Variants in SLC30A7 observed in about 807,000 individuals in gnomAD.
The protein encoded by SLC30A7 is solute carrier family 30 member 7, also known as zinc transporter 7.
Under a neutral mutation model 46.0 loss-of-function variants are expected in SLC30A7, and 35 were observed. The ratio of observed to expected loss-of-function variants is 0.76; its 90% CI spans 0.58 to 1.01. The LOEUF (loss-of-function observed/expected upper bound fraction) is 1.01. Among genes scored for constraint, SLC30A7 ranks in the 50% least tolerant of loss-of-function variants. The pLI is 0.00. For synonymous variants in SLC30A7, 147 were observed against 157.8 expected, an observed-to-expected ratio of 0.93 and a Z score of 0.51; for missense variants, 464 against 451.1, an observed-to-expected ratio of 1.03 and a Z score of -0.26.
At chr1:100,934,190 T>C (rs1368578066) in intron 8 of SLC30A7, among the ~76,000 whole-genome samples, 1 of 152,202 alleles carries the variant, frequency 6.6e-6, no homozygotes, top group Non-Finnish European at 1.5e-5. Flanking sequence ...CAAGTGTGGA[T>C]TTTTGACTTT....
At chr1:100,925,122 A>G (rs1197172854) in intron 8 of SLC30A7, among the ~76,000 whole-genome samples, 2 of 152,258 alleles carry the variant, frequency 1.3e-5, no homozygotes, top group African/African-American at 2.4e-5. Flanking sequence ...CTTCTGAAGA[A>G]GAGGCCTTTA....
the SLC30A7 span, among the ~76,000 whole-genome samples, chr1:100,989,124 T>C: frequency 6.6e-6 from 1 of 152,236 alleles, no homozygotes; most frequent in Non-Finnish European, 1.5e-5. Context: ...CTCTTTGAAA[T>C]GAAATATAAT....
In SLC30A7 at chr1:100,918,112, A is replaced by C. The variant is rs769521587; in HGVS notation, c.691A>C (p.Arg231=). ...CTTAAAAGAAACAACAGGACCCAGC[A>C]GACAGATTTTACAAGGTATGACAAG... The part of the protein sequence containing the change: ...PSLKETTGPS[R]QILQGVFLHI... The change falls in exon 7 of 11, where the codon AGA becomes CGA. Residue 231 remains arginine, a synonymous_variant. Transcript: ENST00000357650. The C allele has an allele frequency of 2.5e-6, 4 of 1,612,842 alleles. No homozygotes were observed. Among genetic ancestry groups the C allele is most frequent in the Non-Finnish European group, 3.4e-6 (4 of 1,179,156 alleles).
intron 9 of SLC30A7, 89 bp from the exon 10 acceptor site, chr1:100,965,680 C>A (rs1214701742): frequency 9.7e-7 from 1 of 1,034,362 alleles, no homozygotes; most frequent in African/African-American, 1.6e-5. Context: ...ACGATAGAAT[C>A]CATGTTTACT....
chr1:100,948,068 T>TTGTTAG (rs1401619400), intron 8 of SLC30A7, among the ~76,000 whole-genome samples: 2 of 152,198 alleles, frequency 1.3e-5, no homozygotes, highest in Non-Finnish European at 2.9e-5. Flanking sequence ...AATATTGTTA[T>TTGTTAG]GTGTGAATTT....
chr1:100,974,894 A>C lies in SLC30A7; in HGVS notation c.*37A>C. ...AAATTATGCACCTTTTATGGACCAA[A>C]TTTTTCTGGTACTGTACGATCCAAA... On this transcript the variant is annotated 3_prime_UTR_variant, in exon 11 of 11. Coordinates refer to ENST00000357650, the MANE Select transcript of SLC30A7 (RefSeq NM_133496.5). 6.4e-7 allele frequency: 1 copy of C among 1,570,412 alleles called. No individual in the cohort carries two copies. The highest frequency in any genetic ancestry group is 8.7e-7 in the Non-Finnish European group (1 of 1,147,072).
chr1:100,933,367 T>C (rs556068922), intron 8 of SLC30A7, among the ~76,000 whole-genome samples: 3 of 152,276 alleles, frequency 2.0e-5, no homozygotes, highest in Non-Finnish European at 2.9e-5. Context: ...TATTCTTATC[T>C]TGATGCCTTT....
rs970852854 is a variant in SLC30A7, at chr1:100,978,768, GTATA to G, written c.*3914_*3917del. 70 of 151,988 alleles carry G rather than the reference GTATA, an allele frequency of 4.6e-4. No individual in the cohort carries two copies. Among genetic ancestry groups the G allele is most frequent in the Admixed American group, 8.5e-4 (13 of 15,272 alleles). 9.4% of individuals were successfully genotyped at this position (151,988 alleles called of 1,614,324 possible). ...ATGGACTTTTATTGTCTCATTTTTC[GTATA>G]TAATTATTTCCATCATATTCTTTAT... On this transcript the variant is annotated 3_prime_UTR_variant, in exon 11 of 11. Coordinates refer to ENST00000357650, the MANE Select transcript of SLC30A7 (RefSeq NM_133496.5).
At chr1:100,926,264 T>C (rs995470974) in intron 8 of SLC30A7, among the ~76,000 whole-genome samples, 3 of 152,184 alleles carry the variant, frequency 2.0e-5, no homozygotes, top group Non-Finnish European at 4.4e-5. Context: ...TGCATTGCTA[T>C]AAAGATATAC....
At chr1:100,961,100 G>A (rs1166686479) in intron 8 of SLC30A7, among the ~76,000 whole-genome samples, 3 of 150,922 alleles carry the variant, frequency 2.0e-5, no homozygotes, top group African/African-American at 7.3e-5. Context: ...GACTACAGGC[G>A]CCCGCCACCA....
At chr1:100,985,935 T>C (rs904196367), downstream of SLC30A7, among the ~76,000 whole-genome samples, 2 of 152,094 alleles carry the variant, frequency 1.3e-5, no homozygotes, top group African/African-American at 2.4e-5. Flanking sequence ...TTACAAAAGG[T>C]TTTATCCAGA....
At position 100,936,082 on chromosome 1, in the gene SLC30A7, CT is replaced by C. The variant is rs796365691; in HGVS notation, c.842+14253del. Among the ~76,000 whole-genome samples the C allele has an allele frequency of 7.3e-3, 1,062 of 145,550 alleles. 16 individuals are homozygous for C. The highest frequency in any genetic ancestry group is 0.02 in the African/African-American group (808 of 40,012). ...TTTAAATTGTCTTCTTTTCATTTTT[CT>C]TTTTTTTTTTTCTACTCCAGTGATT... On this transcript the variant is annotated intron_variant, in intron 8 of 10. Coordinates refer to ENST00000357650, the MANE Select transcript of SLC30A7 (RefSeq NM_133496.5).
chr1:100,896,482 C>G (rs976588613), intron 1 of SLC30A7, 88 bp from the exon 2 acceptor site: 41 of 1,426,212 alleles, frequency 2.9e-5, no homozygotes, highest in Non-Finnish European at 6.9e-6. Context: ...AGCATGTGAA[C>G]TGGGAGGGTC....
chr1:100,928,734 G>A (rs1653476217), intron 8 of SLC30A7, among the ~76,000 whole-genome samples: 1 of 151,988 alleles, frequency 6.6e-6, no homozygotes, highest in Non-Finnish European at 1.5e-5. Context: ...AGCATATGAA[G>A]TAAAGAAAAA....
intron 3 of SLC30A7, 23 bp downstream of exon 3, chr1:100,906,988 C>G: frequency 6.8e-7 from 1 of 1,475,126 alleles, no homozygotes; most frequent in South Asian, 1.2e-5. Context: ...GAAAAAAAAT[C>G]TTTTTATTGA....
intron 2 of SLC30A7, among the ~76,000 whole-genome samples, chr1:100,901,700 T>G (rs1346404273): frequency 6.6e-6 from 1 of 152,188 alleles, no homozygotes; most frequent in Non-Finnish European, 1.5e-5. Context: ...CACCTCAGCC[T>G]CCGGAAGTGC....
chr1:100,920,799 C>A (rs969914343), intron 7 of SLC30A7, among the ~76,000 whole-genome samples: 1 of 151,906 alleles, frequency 6.6e-6, no homozygotes, highest in Non-Finnish European at 1.5e-5. Flanking sequence ...GCTTTTTATG[C>A]ATTAACTATT....
At chr1:100,960,188 A>G (rs565241783) in intron 8 of SLC30A7, among the ~76,000 whole-genome samples, 1 of 152,280 alleles carries the variant, frequency 6.6e-6, no homozygotes, top group Admixed American at 6.5e-5. Context: ...TGTCCTTAAC[A>G]TTGCTCTCAC....
intron 7 of SLC30A7, among the ~76,000 whole-genome samples, chr1:100,920,279 T>A (rs1431943740): frequency 6.6e-6 from 1 of 152,060 alleles, no homozygotes; most frequent in Non-Finnish European, 1.5e-5. Flanking sequence ...GAGTTTGTAG[T>A]TAGGGACCTT....
Sources: gnomAD v4.1 joint callset for allele counts (sites outside exome capture counted in the v4.1 genomes callset) on GRCh38, gnomAD v4.1.1 for gene constraint, MANE v1.5 for transcripts, NCBI Gene and HGNC (gene_info 2026-07-23, HGNC 2026-07-21) for gene names.